SAP130: variants seen among roughly 807,000 people sequenced by gnomAD.
SAP130 encodes the protein Sin3A associated protein 130.
SAP130 carries 16 observed loss-of-function variants against 103.2 expected under a neutral mutation model. That is an observed-to-expected ratio of 0.16 (90% CI 0.10 to 0.24). The LOEUF (loss-of-function observed/expected upper bound fraction) is 0.24, where lower values mean the gene tolerates loss of function less well. SAP130 is among the 10% of genes least tolerant of loss of function. The pLI, the probability that SAP130 is intolerant of heterozygous loss-of-function variation, is 1.00. For missense variants in SAP130, 990 were observed against 1,359.7 expected (o/e 0.73, Z 4.28); for synonymous variants, 477 against 497.0 (o/e 0.96, Z 0.53).
Position 128,026,250 on chromosome 2 carries a change from C to G in SAP130, c.43G>C (p.Gly15Arg). Residue 15 changes from glycine to arginine, a missense_variant, in exon 2 of 21, where the codon GGG (glycine) becomes CGG (arginine). This residue lies in a region of SAP130 where 167 missense variants were observed against 187.4 expected (regional missense o/e 0.89). Coordinates refer to ENST00000643581, the MANE Select transcript of SAP130 (RefSeq NM_001330301.2). ...ATCTGAGAAGGGGCCTGGCTCAGCC[C>G]GGTAGAAGGGGCTCCTAACCGAGGA... Reference protein sequence around the residue: ...QFPRLGAPSTGLSQAPSQIAN... With the variant: ...QFPRLGAPSTRLSQAPSQIAN... 1.2e-6 allele frequency: 2 copies of G among 1,614,074 alleles called. No homozygotes were observed. The highest frequency in any genetic ancestry group is 1.7e-6 in the Non-Finnish European group (2 of 1,179,982).
intron 7 of SAP130, among the ~76,000 whole-genome samples, chr2:128,007,926 G>C (rs1684086949): frequency 6.6e-6 from 1 of 152,140 alleles, no homozygotes; most frequent in African/African-American, 2.4e-5. Context: ...TTGTTACACA[G>C]ATAAACTCAG....
chr2:128,016,517 G>C lies in SAP130; in HGVS notation c.379C>G (p.Pro127Ala), dbSNP rs1427935931. 6.2e-7 allele frequency: 1 copy of C among 1,613,734 alleles called. No homozygotes were observed. Among genetic ancestry groups the C allele is most frequent in the Non-Finnish European group, 8.5e-7 (1 of 1,179,848 alleles). Residue 127 changes from proline (P) to alanine (A), a missense_variant, in exon 4 of 21, where the codon CCC (proline) becomes GCC (alanine). This residue lies in a region of SAP130 where 167 missense variants were observed against 187.4 expected (regional missense o/e 0.89). Transcript: ENST00000643581. Reference protein sequence around the residue: ...PPPKPTMPSRPIAPAPPSTLS... With the variant: ...PPPKPTMPSRAIAPAPPSTLS... ...GTAGAAGGTGGAGCAGGAGCAATGG[G>C]ACGGCTAGGCATGGTGGGCTTCGGG...
intron 13 of SAP130, among the ~76,000 whole-genome samples, chr2:127,988,342 T>G (rs1682542849): frequency 6.6e-6 from 1 of 151,326 alleles, no homozygotes; most frequent in African/African-American, 2.4e-5. Context: ...AAGGACTGCT[T>G]GAGCCCAGAA....
chr2:127,966,540 T>A (rs1680671626), intron 15 of SAP130, among the ~76,000 whole-genome samples: 1 of 150,798 alleles, frequency 6.6e-6, no homozygotes, highest in South Asian at 2.1e-4. Context: ...CTGTCTCTAC[T>A]AAAAATACAA....
In SAP130 at chr2:127,979,941, G is replaced by A. The variant is rs922793029; in HGVS notation, c.1959-1852C>T. Among the ~76,000 whole-genome samples, 8 of 150,692 alleles carry A rather than the reference G, an allele frequency of 5.3e-5. No homozygotes were observed. In the East Asian group the frequency reaches 7.8e-4, roughly 15 times the overall value. ...TGTCCAGGCTGGAGTGTGGTGGCAC[G>A]ATCTCAGCTCACTGCAATCTCCGCC... On this transcript the variant is annotated intron_variant, in intron 14 of 20. Coordinates refer to ENST00000643581, the MANE Select transcript of SAP130 (RefSeq NM_001330301.2).
At position 127,996,239 on chromosome 2, in the gene SAP130, A is replaced by G. The variant is rs1228521630; in HGVS notation, c.1355+111T>C. The G allele has an allele frequency of 9.3e-7, 1 of 1,074,122 alleles. No individual in the cohort carries two copies. The highest frequency in any genetic ancestry group is 1.2e-6 in the Non-Finnish European group (1 of 803,358). 66.5% of individuals were successfully genotyped at this position (1,074,122 alleles called of 1,614,324 possible). ...GTGTTACTTTCAGGGGAAAATCTGAAAACATGAGTAATAAATATAGGCCAT... is the reference window on the plus strand; with the variant it reads ...GTGTTACTTTCAGGGGAAAATCTGAGAACATGAGTAATAAATATAGGCCAT... On this transcript the variant is annotated intron_variant, in intron 11 of 20. Coordinates refer to ENST00000643581, the MANE Select transcript of SAP130 (RefSeq NM_001330301.2). The surrounding 1 kb of genome is among the most constrained non-coding windows in gnomAD (Gnocchi z 4.3).
intron 15 of SAP130, among the ~76,000 whole-genome samples, chr2:127,956,090 G>C (rs1430626108): frequency 2.0e-5 from 3 of 151,584 alleles, no homozygotes; most frequent in Non-Finnish European, 4.4e-5. Context: ...GACTGAGGTT[G>C]AGCTGATTAC....
chr2:127,984,897 C>T (rs1682261940), intron 14 of SAP130, among the ~76,000 whole-genome samples: 2 of 152,328 alleles, frequency 1.3e-5, no homozygotes, highest in South Asian at 2.1e-4. Context: ...AACTTTAACA[C>T]TTTTCAAACT....
Position 127,996,868 on chromosome 2 carries a change from G to A in SAP130, c.1214-377C>T. Reference sequence around the variant, plus strand: ...GGAGTTCAAGGCTACAGTGAGCCATGACTGCACCACTATACTCCAGCCTCA... The same window carrying A: ...GGAGTTCAAGGCTACAGTGAGCCATAACTGCACCACTATACTCCAGCCTCA... On this transcript the variant is annotated intron_variant, in intron 10 of 20. Coordinates refer to ENST00000643581, the MANE Select transcript of SAP130 (RefSeq NM_001330301.2). The surrounding 1 kb of genome is among the most constrained non-coding windows in gnomAD (Gnocchi z 4.3). Among the ~76,000 whole-genome samples, 1 of 152,026 alleles carries A rather than the reference G, an allele frequency of 6.6e-6. No homozygotes were observed. Among genetic ancestry groups the A allele is most frequent in the Middle Eastern group, 3.2e-3 (1 of 316 alleles).
intron 14 of SAP130, among the ~76,000 whole-genome samples, chr2:127,982,312 A>C (rs1682003472): frequency 6.6e-6 from 1 of 152,086 alleles, no homozygotes; most frequent in Admixed American, 6.6e-5. Flanking sequence ...CGTAGGAGAG[A>C]GGGGGAGAAG....
intron 14 of SAP130, among the ~76,000 whole-genome samples, chr2:127,983,846 T>TTTAA (rs60153840): frequency 1.8e-5 from 1 of 54,314 alleles, no homozygotes; most frequent in Non-Finnish European, 3.4e-5. Flanking sequence ...TTTTTTTTTT[T>TTTAA]AAACATTTAT....
At chr2:127,991,963 ACTTT>A (rs1458502587) in intron 12 of SAP130, among the ~76,000 whole-genome samples, 7 of 151,934 alleles carry the variant, frequency 4.6e-5, no homozygotes, top group Non-Finnish European at 8.8e-5. Flanking sequence ...CAGCAATAAC[ACTTT>A]CTTTTGTCTT....
chr2:127,993,787 C>T (rs1035985505), intron 11 of SAP130, among the ~76,000 whole-genome samples: 8 of 152,052 alleles, frequency 5.3e-5, no homozygotes, highest in African/African-American at 1.9e-4. Flanking sequence ...CTATGTTGCC[C>T]AGGCTGGAGC....
At chr2:127,968,284 T>C (rs1247834237) in intron 15 of SAP130, among the ~76,000 whole-genome samples, 1 of 151,944 alleles carries the variant, frequency 6.6e-6, no homozygotes, top group Non-Finnish European at 1.5e-5. Context: ...TAATTTTTTG[T>C]ATTTTTAGTA....
In SAP130 at chr2:127,941,923, A is replaced by T; in HGVS notation, c.*83T>A. 1.5e-5 allele frequency: 9 copies of T among 600,026 alleles called. No individual in the cohort carries two copies. The highest frequency in any genetic ancestry group is 4.1e-5 in the East Asian group (1 of 24,312). The allele number at this position is 600,026 out of a possible 1,614,324, so 37.2% of individuals were successfully genotyped here. A position where few individuals can be genotyped will look rare whatever the true frequency, so the allele number is the denominator to read the frequency against. On this transcript the variant is annotated 3_prime_UTR_variant, in exon 21 of 21. Coordinates refer to ENST00000643581, the MANE Select transcript of SAP130 (RefSeq NM_001330301.2). ...AACACTTCCTTTATTTCAATGTTCC[A>T]CTTTGGAAAAAACCAAAACCCTCCC...
chr2:128,019,333 A>G (rs886925151), intron 2 of SAP130, among the ~76,000 whole-genome samples: 1 of 152,052 alleles, frequency 6.6e-6, no homozygotes, highest in Non-Finnish European at 1.5e-5. Flanking sequence ...AAGTCACAGG[A>G]TATCAGCTCA....
At position 128,017,690 on chromosome 2, in the gene SAP130, C is replaced by T. The variant is rs750734463; in HGVS notation, c.338G>A (p.Gly113Glu). The T allele has an allele frequency of 1.5e-5, 24 of 1,614,020 alleles. No individual in the cohort carries two copies. Among genetic ancestry groups the T allele is most frequent in the Non-Finnish European group, 2.5e-6 (3 of 1,179,998 alleles). The stretch of plus-strand genomic sequence containing the variant: ...AACCCTCTCCATTACCTTCATAAGT[C>T]CCTCCGAAAATGAAAGTGGCACTGC... Reference protein sequence around the residue: ...TPAVPLSFSEGLMKPPPKPTM... With the variant: ...TPAVPLSFSEELMKPPPKPTM... Residue 113 changes from glycine to glutamate, a missense_variant, in exon 3 of 21, where the codon GGA becomes GAA. Coordinates refer to ENST00000643581, the MANE Select transcript of SAP130 (RefSeq NM_001330301.2).
intron 11 of SAP130, among the ~76,000 whole-genome samples, chr2:127,995,543 T>C (rs1039343978): frequency 2.0e-5 from 3 of 152,134 alleles, no homozygotes; most frequent in Non-Finnish European, 4.4e-5. Context: ...TAAGAGAAAG[T>C]TTCTTTACGT....
intron 15 of SAP130, among the ~76,000 whole-genome samples, chr2:127,975,327 G>GTT (rs1166430310): frequency 6.6e-6 from 1 of 152,152 alleles, no homozygotes; most frequent in Non-Finnish European, 1.5e-5. Context: ...AGACCAAAAA[G>GTT]GGATAAGGCC....
Sources: allele counts gnomAD v4.1 joint callset (sites outside exome capture counted in the v4.1 genomes callset), GRCh38; gene constraint gnomAD v4.1.1; regional missense constraint gnomAD v4.1.1; non-coding constraint Gnocchi (gnomAD v3.1); transcripts MANE v1.5; gene names NCBI Gene and HGNC (gene_info 2026-07-23, HGNC 2026-07-21).